Variants in NELL2 observed in about 807,000 individuals in gnomAD.
The protein encoded by NELL2 is neural EGFL like 2.
Under a neutral mutation model 109.6 loss-of-function variants are expected in NELL2, and 41 were observed. The observed-to-expected ratio is 0.37, with a 90% CI of 0.29 to 0.49. NELL2 has a LOEUF of 0.49. NELL2 is among the 20% of genes least tolerant of loss of function. NELL2 has a pLI of 0.98. For missense variants in NELL2, 900 were observed against 1,008.3 expected (o/e 0.89, Z 1.45); for synonymous variants, 355 against 344.7 (o/e 1.03, Z -0.33).
At chr12:44,853,393 TC>T (rs1944587194) in intron 2 of NELL2, among the ~76,000 whole-genome samples, 1 of 152,154 alleles carries the variant, frequency 6.6e-6, no homozygotes, top group South Asian at 2.1e-4. Flanking sequence ...TGTATTAAGA[TC>T]CCAGGCAAAC....
At chr12:44,689,053 C>T (rs1232068709) in intron 12 of NELL2, among the ~76,000 whole-genome samples, 1 of 152,158 alleles carries the variant, frequency 6.6e-6, no homozygotes, top group Admixed American at 6.5e-5. Context: ...ACAAATTTTC[C>T]TGGCTGCTAA....
At chr12:44,567,471 C>A (rs923506753) in intron 15 of NELL2, among the ~76,000 whole-genome samples, 2 of 152,010 alleles carry the variant, frequency 1.3e-5, no homozygotes, top group Non-Finnish European at 2.9e-5. Flanking sequence ...CTCAGTGCTA[C>A]AGTAAATTTG....
At chr12:44,735,778 T>G (rs114654776) in intron 9 of NELL2, among the ~76,000 whole-genome samples, 3,297 of 152,184 alleles carry the variant, frequency 0.022, 114 homozygotes, top group African/African-American at 0.073. Context: ...TTTAAGAATT[T>G]TAAAAAATAT....
chr12:44,828,146 T>C (rs1215614327), intron 2 of NELL2, among the ~76,000 whole-genome samples: 1 of 152,148 alleles, frequency 6.6e-6, no homozygotes, highest in African/African-American at 2.4e-5. Context: ...TTTTGTCCAT[T>C]TTTTTAAACC....
At chr12:44,805,874 T>C (rs1320384680) in intron 3 of NELL2, among the ~76,000 whole-genome samples, 4 of 151,830 alleles carry the variant, frequency 2.6e-5, no homozygotes, top group Non-Finnish European at 1.5e-5. Context: ...GCAAAAAGGA[T>C]AGATATTTTT....
At chr12:44,551,896 T>C (rs1015390807) in intron 15 of NELL2, among the ~76,000 whole-genome samples, 6 of 152,142 alleles carry the variant, frequency 3.9e-5, no homozygotes, top group African/African-American at 1.2e-4. Context: ...TCTTGTAGCA[T>C]TGCCTACTAG....
intron 12 of NELL2, among the ~76,000 whole-genome samples, chr12:44,701,160 C>T (rs1949216598): frequency 6.6e-6 from 1 of 151,668 alleles, no homozygotes; most frequent in African/African-American, 2.4e-5. Flanking sequence ...AGCAACCATG[C>T]CATAATCAAA....
chr12:44,513,859 G>GA (rs1941122803), intron 19 of NELL2, among the ~76,000 whole-genome samples: 1 of 150,378 alleles, frequency 6.6e-6, no homozygotes, highest in South Asian at 2.1e-4. Context: ...CAAAATATGT[G>GA]AAAAAACGAT....
At position 44,779,037 on chromosome 12, in the gene NELL2, T is replaced by C. The variant is rs183013772; in HGVS notation, c.606+626A>G. ...TGTCATAGCCACTGGGGGAAAATGATTGCACTATGGGCTTGTAGTCAAGCA... is the reference window on the plus strand; with the variant it reads ...TGTCATAGCCACTGGGGGAAAATGACTGCACTATGGGCTTGTAGTCAAGCA... On this transcript the variant is annotated intron_variant, in intron 5 of 19. Coordinates refer to ENST00000429094, the MANE Select transcript of NELL2 (RefSeq NM_001145108.2). Among the ~76,000 whole-genome samples, 354 of 152,332 alleles carry C rather than the reference T, an allele frequency of 2.3e-3. 1 individual carries two copies. Among genetic ancestry groups the C allele is most frequent in the Non-Finnish European group, 4.1e-3 (276 of 68,018 alleles).
intron 15 of NELL2, among the ~76,000 whole-genome samples, chr12:44,555,230 G>T (rs1375359065): frequency 6.6e-6 from 1 of 152,116 alleles, no homozygotes; most frequent in Non-Finnish European, 1.5e-5. Context: ...TCTTGTGAGG[G>T]CTGGAAGGTC....
In NELL2 at chr12:44,648,740, T is replaced by A. The variant is rs866224427; in HGVS notation, c.1444+16744A>T. Reference sequence around the variant, plus strand: ...ATATATATATATATATATTTTTTTTTTTTTTTTTTTTTTGAGACAGAGTCT... The same window carrying A: ...ATATATATATATATATATTTTTTTTATTTTTTTTTTTTTGAGACAGAGTCT... On this transcript the variant is annotated intron_variant, in intron 13 of 19. Coordinates refer to ENST00000429094, the MANE Select transcript of NELL2 (RefSeq NM_001145108.2). 7.2e-3 allele frequency among the ~76,000 whole-genome samples: 994 copies of A among 138,252 alleles called. 7 individuals carry two copies. Among genetic ancestry groups the A allele is most frequent in the Middle Eastern group, 0.046 (12 of 262 alleles). 90.7% of individuals were successfully genotyped at this position (138,252 alleles called of 152,430 possible).
intron 9 of NELL2, among the ~76,000 whole-genome samples, chr12:44,758,756 T>C (rs919658058): frequency 6.6e-6 from 1 of 152,160 alleles, no homozygotes; most frequent in Non-Finnish European, 1.5e-5. Flanking sequence ...AGAAGCCTCA[T>C]TCCTTAACTG....
At chr12:44,567,634 A>C (rs1426200666) in intron 15 of NELL2, among the ~76,000 whole-genome samples, 2 of 152,336 alleles carry the variant, frequency 1.3e-5, no homozygotes, top group South Asian at 2.1e-4. Flanking sequence ...TAAAGAGGAC[A>C]CAGGCATTCT....
chr12:44,709,266 G>A (rs1938059510), intron 11 of NELL2, among the ~76,000 whole-genome samples: 1 of 152,142 alleles, frequency 6.6e-6, no homozygotes. Context: ...TAGAAGTGAT[G>A]TGGTGCCAGT....
intron 2 of NELL2, among the ~76,000 whole-genome samples, chr12:44,817,979 G>C (rs1041420448): frequency 1.3e-5 from 2 of 152,128 alleles, no homozygotes; most frequent in African/African-American, 4.8e-5. Flanking sequence ...TCAGACTTGG[G>C]ACAGTTGTTC....
chr12:44,625,190 T>A (rs1346028811), intron 13 of NELL2, among the ~76,000 whole-genome samples: 1 of 151,972 alleles, frequency 6.6e-6, no homozygotes, highest in Non-Finnish European at 1.5e-5. Flanking sequence ...TTCCTTAGAC[T>A]GCTGTGCATT....
At chr12:44,643,939 T>G (rs377086405) in intron 13 of NELL2, among the ~76,000 whole-genome samples, 2 of 152,282 alleles carry the variant, frequency 1.3e-5, no homozygotes, top group South Asian at 2.1e-4. Flanking sequence ...GAGTTTCTAC[T>G]TGGAACAATA....
intron 12 of NELL2, among the ~76,000 whole-genome samples, chr12:44,668,900 T>C: frequency 6.6e-6 from 1 of 151,762 alleles, no homozygotes; most frequent in Non-Finnish European, 1.5e-5. Flanking sequence ...CCACTGCAAC[T>C]ACCAGAACCT....
chr12:44,910,314 A>G (rs979187343), intron 1 of NELL2, among the ~76,000 whole-genome samples: 2 of 151,994 alleles, frequency 1.3e-5, no homozygotes, highest in African/African-American at 2.4e-5. Context: ...CAAAAGACAT[A>G]AGAGACACTT....
Sources: allele counts gnomAD v4.1 joint callset (sites outside exome capture counted in the v4.1 genomes callset), GRCh38; gene constraint gnomAD v4.1.1; transcripts MANE v1.5; gene names NCBI Gene and HGNC (gene_info 2026-07-23, HGNC 2026-07-21).